Variants in CCDC192 observed in about 807,000 individuals in gnomAD.
The protein encoded by CCDC192 is coiled-coil domain-containing protein 192.
At chr5:127,787,973 T>C (rs568400191) in intron 3 of CCDC192, among the ~76,000 whole-genome samples, 1 of 151,590 alleles carries the variant, frequency 6.6e-6, no homozygotes, top group Non-Finnish European at 1.5e-5. Flanking sequence ...TCCCAGCTAC[T>C]TGGAAGGCTG....
intron 6 of CCDC192, among the ~76,000 whole-genome samples, chr5:127,899,561 C>CAA (rs10537626): frequency 0.015 from 1,996 of 137,374 alleles, 20 homozygotes; most frequent in Non-Finnish European, 0.021. Flanking sequence ...CACACTGCAC[C>CAA]AAAAAAAAAA....
intron 6 of CCDC192, among the ~76,000 whole-genome samples, chr5:127,905,301 G>A (rs749619041): frequency 1.8e-4 from 28 of 152,238 alleles, no homozygotes; most frequent in South Asian, 6.2e-4. Context: ...ATGAAGTTGC[G>A]TCTTTAGGCT....
At chr5:127,917,370 G>A (rs1753552592) in intron 6 of CCDC192, among the ~76,000 whole-genome samples, 2 of 152,184 alleles carry the variant, frequency 1.3e-5, no homozygotes, top group Non-Finnish European at 2.9e-5. Flanking sequence ...TTCCCTTCAA[G>A]AACTTTTCTT....
intron 5 of CCDC192, among the ~76,000 whole-genome samples, chr5:127,837,963 T>A (rs1226684711): frequency 1.3e-5 from 2 of 152,014 alleles, no homozygotes; most frequent in Non-Finnish European, 2.9e-5. Context: ...ACTCCAGCAC[T>A]CCAGCCTGGT....
chr5:127,708,470 A>T (rs746925166), intron 2 of CCDC192, among the ~76,000 whole-genome samples: 2 of 152,086 alleles, frequency 1.3e-5, no homozygotes, highest in Admixed American at 1.3e-4. Context: ...ATTTCCCTCA[A>T]TCTCCTTTGA....
At chr5:127,743,385 G>A (rs1040082769) in intron 2 of CCDC192, among the ~76,000 whole-genome samples, 6 of 152,146 alleles carry the variant, frequency 3.9e-5, no homozygotes, top group East Asian at 1.9e-4. Flanking sequence ...AACTCTCCTC[G>A]GTTTCTGCAT....
At chr5:127,917,288 A>G (rs1753550181) in intron 6 of CCDC192, among the ~76,000 whole-genome samples, 1 of 152,194 alleles carries the variant, frequency 6.6e-6, no homozygotes, top group African/African-American at 2.4e-5. Flanking sequence ...AGACACTAAA[A>G]CTTTCTCCAT....
At chr5:127,805,460 G>A (rs890287399) in intron 5 of CCDC192, among the ~76,000 whole-genome samples, 16 of 152,208 alleles carry the variant, frequency 1.1e-4, no homozygotes, top group Admixed American at 1.0e-3. Flanking sequence ...CCAATGCACA[G>A]ATGCCAGCTG....
At chr5:127,832,844 C>T (rs1248927280) in intron 5 of CCDC192, among the ~76,000 whole-genome samples, 1 of 152,126 alleles carries the variant, frequency 6.6e-6, no homozygotes, top group African/African-American at 2.4e-5. Flanking sequence ...AATTATGTTA[C>T]ATGTGTCAGC....
intron 6 of CCDC192, among the ~76,000 whole-genome samples, chr5:127,878,397 G>C (rs1752192906): frequency 6.6e-6 from 1 of 152,216 alleles, no homozygotes; most frequent in African/African-American, 2.4e-5. Flanking sequence ...GAAGGAGAAT[G>C]CTCCAGCTGG....
At chr5:127,903,328 T>C (rs901211938) in intron 6 of CCDC192, among the ~76,000 whole-genome samples, 4 of 151,958 alleles carry the variant, frequency 2.6e-5, no homozygotes, top group African/African-American at 9.7e-5. Context: ...CTGCAACCTC[T>C]GCCTCCCAGG....
chr5:127,783,386 C>T (rs1262687520), intron 3 of CCDC192, among the ~76,000 whole-genome samples: 4 of 152,286 alleles, frequency 2.6e-5, no homozygotes, highest in Non-Finnish European at 4.4e-5. Flanking sequence ...ATCCAGTGAT[C>T]ACTCAGGATC....
chr5:127,734,278 A>T (rs1177537039), intron 2 of CCDC192, among the ~76,000 whole-genome samples: 19 of 152,066 alleles, frequency 1.2e-4, no homozygotes, highest in African/African-American at 4.6e-4. Context: ...ATGGCTGCAT[A>T]GTATTCCATG....
chr5:127,747,988 T>C (rs1383224704), intron 2 of CCDC192, among the ~76,000 whole-genome samples: 3 of 149,322 alleles, frequency 2.0e-5, no homozygotes, highest in Admixed American at 6.7e-5. Flanking sequence ...TTTGAGTTCA[T>C]TGTAGATTCT....
chr5:127,892,445 T>G (rs1290732113), intron 6 of CCDC192, among the ~76,000 whole-genome samples: 1 of 152,226 alleles, frequency 6.6e-6, no homozygotes, highest in African/African-American at 2.4e-5. Context: ...TGGTTTAGTA[T>G]CTAAGATGCT....
chr5:127,719,249 C>T (rs1056988244), intron 2 of CCDC192, among the ~76,000 whole-genome samples: 3 of 151,924 alleles, frequency 2.0e-5, no homozygotes, highest in African/African-American at 7.3e-5. Context: ...ATATGGCTGA[C>T]TAGTACACCA....
chr5:127,797,732 T>C (rs1249386287), intron 4 of CCDC192, among the ~76,000 whole-genome samples: 1 of 9,892 alleles, frequency 1.0e-4, no homozygotes, highest in Admixed American at 1.2e-3. Context: ...CATGTGAAGG[T>C]ATATATATAT....
chr5:127,728,091 G>T (rs1467528303), intron 2 of CCDC192, among the ~76,000 whole-genome samples: 2 of 152,180 alleles, frequency 1.3e-5, no homozygotes, highest in East Asian at 3.8e-4. Context: ...AAGAGACGGG[G>T]AGAACAAAAC....
intron 5 of CCDC192, among the ~76,000 whole-genome samples, chr5:127,862,601 A>G (rs908082234): frequency 1.3e-5 from 2 of 152,220 alleles, no homozygotes; most frequent in African/African-American, 4.8e-5. Flanking sequence ...GAAACTCTTC[A>G]GATAGATCTG....
Sources: gnomAD v4.1 joint callset for allele counts (sites outside exome capture counted in the v4.1 genomes callset) on GRCh38, gnomAD v4.1.1 for gene constraint, MANE v1.5 for transcripts, NCBI Gene and HGNC (gene_info 2026-07-23, HGNC 2026-07-21) for gene names.